PPARGC1A: variants seen among roughly 807,000 people sequenced by gnomAD.
The protein encoded by PPARGC1A is PPARG coactivator 1 alpha, also known as peroxisome proliferator-activated receptor gamma coactivator 1-alpha.
In PPARGC1A, 25 loss-of-function variants were observed where a neutral mutation model predicts 88.7. The ratio of observed to expected loss-of-function variants is 0.28; its 90% CI spans 0.21 to 0.39. PPARGC1A has a LOEUF of 0.39. Ranked by LOEUF, PPARGC1A falls within the 10% of genes least tolerant of loss-of-function variation. The probability of loss-of-function intolerance (pLI) is 1.00; values close to 1 mark genes in which losing one functional copy is unlikely to be tolerated. For missense variants in PPARGC1A, 880 were observed against 968.7 expected (o/e 0.91, Z 1.22); for synonymous variants, 363 against 355.6 (o/e 1.02, Z -0.24).
the PPARGC1A span, among the ~76,000 whole-genome samples, chr4:24,080,324 A>G: frequency 7.0e-4 from 107 of 152,046 alleles, no homozygotes; most frequent in Middle Eastern, 3.4e-3. Flanking sequence ...AATAATTTTT[A>G]TCTTCATAGT....
At chr4:23,925,441 T>A in the PPARGC1A span, among the ~76,000 whole-genome samples, 2 of 152,200 alleles carry the variant, frequency 1.3e-5, no homozygotes, top group Non-Finnish European at 2.9e-5. Context: ...ATATAAAGAT[T>A]ATAAAGCCTC....
chr4:24,067,910 G>C, the PPARGC1A span, among the ~76,000 whole-genome samples: 1 of 152,200 alleles, frequency 6.6e-6, no homozygotes, highest in African/African-American at 2.4e-5. Flanking sequence ...CCAGTGTCCT[G>C]AATCACCTGT....
At position 23,813,813 on chromosome 4, in the gene PPARGC1A, A is replaced by G. The variant is rs550778741; in HGVS notation, c.1670T>C (p.Leu557Ser). 2.5e-5 allele frequency: 41 copies of G among 1,613,910 alleles called. 1 individual carries two copies. The South Asian group carries it at 4.1e-4, about 16-fold the overall frequency. ...CATCCTTTGGGGTCTTTGAGAAAAT[A>G]AGGATTTGGGTGGTGACACAGAATC... ...CRDSVSPPKSLFSQRPQRMRS... is the reference protein window; with the variant it reads ...CRDSVSPPKSSFSQRPQRMRS... The change falls in exon 8 of 13, where the codon TTA becomes TCA. Residue 557 changes from leucine to serine, a missense_variant. Transcript: ENST00000264867.
the PPARGC1A span, among the ~76,000 whole-genome samples, chr4:24,327,264 ATT>A: frequency 3.9e-5 from 6 of 152,068 alleles, no homozygotes; most frequent in African/African-American, 1.4e-4. Context: ...CCCCCAAATA[ATT>A]TGTCATCCCT....
At chr4:24,183,555 G>A in the PPARGC1A span, among the ~76,000 whole-genome samples, 1 of 152,232 alleles carries the variant, frequency 6.6e-6, no homozygotes, top group South Asian at 2.1e-4. Context: ...GACACCCGGT[G>A]TGTTTCCAGC....
chr4:23,956,139 A>T, the PPARGC1A span, among the ~76,000 whole-genome samples: 2 of 152,124 alleles, frequency 1.3e-5, no homozygotes, highest in Admixed American at 1.3e-4. Context: ...AAAAACCATT[A>T]TTAGCTTACA....
chr4:23,957,053 C>T, the PPARGC1A span, among the ~76,000 whole-genome samples: 1 of 152,120 alleles, frequency 6.6e-6, no homozygotes, highest in African/African-American at 2.4e-5. Flanking sequence ...GCAAAGCCCA[C>T]ATTCTAACCA....
At chr4:23,797,790 C>A (rs1284949939) in intron 12 of PPARGC1A, among the ~76,000 whole-genome samples, 1 of 152,134 alleles carries the variant, frequency 6.6e-6, no homozygotes, top group Non-Finnish European at 1.5e-5. Flanking sequence ...CCACCAATTT[C>A]TCTCCCGCTA....
chr4:24,086,370 C>T, the PPARGC1A span, among the ~76,000 whole-genome samples: 2 of 152,210 alleles, frequency 1.3e-5, no homozygotes, highest in African/African-American at 4.8e-5. Flanking sequence ...GGTGTCACAT[C>T]CAACTGCATG....
chr4:24,048,444 A>C, the PPARGC1A span, among the ~76,000 whole-genome samples: 1 of 152,138 alleles, frequency 6.6e-6, no homozygotes, highest in Non-Finnish European at 1.5e-5. Flanking sequence ...GTCACAATGA[A>C]TTTTTGATCT....
At chr4:24,271,520 G>A in the PPARGC1A span, among the ~76,000 whole-genome samples, 1 of 152,106 alleles carries the variant, frequency 6.6e-6, no homozygotes, top group Non-Finnish European at 1.5e-5. Flanking sequence ...TGGGACTACA[G>A]GCGCCGGCCA....
intron 2 of PPARGC1A, among the ~76,000 whole-genome samples, chr4:23,846,182 T>A (rs1356485730): frequency 6.6e-6 from 1 of 152,194 alleles, no homozygotes; most frequent in African/African-American, 2.4e-5. Flanking sequence ...AGGAAAAACA[T>A]GCCATTTAAT....
At chr4:24,033,915 C>T in the PPARGC1A span, among the ~76,000 whole-genome samples, 2 of 152,068 alleles carry the variant, frequency 1.3e-5, no homozygotes, top group African/African-American at 2.4e-5. Flanking sequence ...AGACAATTTC[C>T]CCTCAAAAAT....
the PPARGC1A span, among the ~76,000 whole-genome samples, chr4:24,267,226 C>T: frequency 2.6e-5 from 4 of 152,190 alleles, no homozygotes; most frequent in African/African-American, 9.6e-5. Flanking sequence ...CAAATGCCCT[C>T]CATGTCCTGA....
At chr4:24,453,379 G>A in the PPARGC1A span, among the ~76,000 whole-genome samples, 2 of 152,230 alleles carry the variant, frequency 1.3e-5, no homozygotes, top group African/African-American at 4.8e-5. Context: ...AAGTAAGGGA[G>A]TTCTCATAAA....
At chr4:24,351,022 G>A in the PPARGC1A span, among the ~76,000 whole-genome samples, 1 of 152,000 alleles carries the variant, frequency 6.6e-6, no homozygotes, top group East Asian at 1.9e-4. Context: ...TTTGAGCACA[G>A]GATTTCAAGA....
chr4:24,453,185 T>C, the PPARGC1A span, among the ~76,000 whole-genome samples: 1 of 152,214 alleles, frequency 6.6e-6, no homozygotes, highest in Non-Finnish European at 1.5e-5. Context: ...CTTTCCCTCA[T>C]GGGCCTGAGA....
At chr4:23,862,350 G>A (rs1731354932) in intron 2 of PPARGC1A, among the ~76,000 whole-genome samples, 1 of 152,204 alleles carries the variant, frequency 6.6e-6, no homozygotes, top group Non-Finnish European at 1.5e-5. Context: ...CAAACAAGAA[G>A]ACAGAAATAA....
the PPARGC1A span, among the ~76,000 whole-genome samples, chr4:24,190,448 T>G: frequency 2.0e-5 from 3 of 152,034 alleles, no homozygotes; most frequent in Non-Finnish European, 2.9e-5. Context: ...CCAGGAGGCG[T>G]AGCTTGCAGT....
Sources: gnomAD v4.1 joint callset for allele counts (sites outside exome capture counted in the v4.1 genomes callset) on GRCh38, gnomAD v4.1.1 for gene constraint, MANE v1.5 for transcripts, NCBI Gene and HGNC (gene_info 2026-07-23, HGNC 2026-07-21) for gene names.